The following COL28A1 variants were observed in gnomAD, a reference collection of about 807,000 sequenced individuals.
COL28A1 encodes the protein collagen alpha-1(XXVIII) chain.
In COL28A1, 161 loss-of-function variants were observed where a neutral mutation model predicts 150.2. The observed-to-expected ratio is 1.07, with a 90% CI of 0.94 to 1.22. The LOEUF (loss-of-function observed/expected upper bound fraction) is 1.22, where lower values mean the gene tolerates loss of function less well. Among genes scored for constraint, COL28A1 ranks in the 50% most tolerant of loss-of-function variants. The probability of loss-of-function intolerance (pLI) is 0.00; values close to 1 mark genes in which losing one functional copy is unlikely to be tolerated. For missense variants in COL28A1, 1,617 were observed against 1,388.3 expected (o/e 1.16, Z -2.62); for synonymous variants, 552 against 469.7 (o/e 1.18, Z -2.26).
chr7:7,524,616 T>A (rs1227119724), intron 3 of COL28A1, among the ~76,000 whole-genome samples: 1 of 152,208 alleles, frequency 6.6e-6, no homozygotes, highest in Middle Eastern at 3.2e-3. Flanking sequence ...TGAGGCAGAA[T>A]ATATAATTGT....
upstream of COL28A1, among the ~76,000 whole-genome samples, chr7:7,539,204 T>C (rs1782744600): frequency 6.6e-6 from 1 of 152,202 alleles, no homozygotes; most frequent in Admixed American, 6.5e-5. Flanking sequence ...AGAGGTTTAT[T>C]TGGCTTACAA....
At position 7,535,815 on chromosome 7, in the gene COL28A1, T is replaced by C. The variant is rs538044254; in HGVS notation, c.-103A>G. On this transcript the variant is annotated 5_prime_UTR_variant, in exon 1 of 35. Coordinates refer to ENST00000399429, the MANE Select transcript of COL28A1 (RefSeq NM_001037763.3). ...TAAATGCCAACAGCAAGGACTGTGG[T>C]TGGGGGTGAAGTTAGCTATTTGATA... 2.0e-5 allele frequency: 3 copies of C among 152,248 alleles called. No individual in the cohort carries two copies. The highest frequency in any genetic ancestry group is 1.3e-4 in the Admixed American group (2 of 15,282). 9.4% of individuals were successfully genotyped at this position (152,248 alleles called of 1,614,324 possible).
intron 27 of COL28A1, among the ~76,000 whole-genome samples, chr7:7,388,067 G>C (rs924117784): frequency 2.6e-5 from 4 of 151,624 alleles, no homozygotes; most frequent in Non-Finnish European, 5.9e-5. Flanking sequence ...GCAGAACATG[G>C]TTTGTTACAT....
rs184881478 is a variant in COL28A1, at chr7:7,507,174, A to G, written c.928-13T>C. The G allele has an allele frequency of 5.4e-6, 6 of 1,112,850 alleles. No homozygotes were observed. In the East Asian group the frequency reaches 1.4e-4, roughly 27 times the overall value. The allele number at this position is 1,112,850 out of a possible 1,614,324, so 68.9% of individuals were successfully genotyped here. The stretch of plus-strand genomic sequence containing the variant: ...GCCCTGGGGATCCCTGTGGAATAAA[A>G]TTGAAAATAAGTCTCTCTAAATATA... On this transcript the variant is annotated splice_polypyrimidine_tract_variant and intron_variant, in intron 9 of 34. Coordinates refer to ENST00000399429, the MANE Select transcript of COL28A1 (RefSeq NM_001037763.3).
the COL28A1 span, among the ~76,000 whole-genome samples, chr7:7,340,346 A>G: frequency 6.6e-5 from 10 of 152,274 alleles, 1 homozygote; most frequent in East Asian, 1.9e-3. Flanking sequence ...TAGAGTACAT[A>G]GGAAAACCTG....
intron 13 of COL28A1, among the ~76,000 whole-genome samples, chr7:7,486,128 T>A (rs1283327136): frequency 6.6e-6 from 1 of 152,198 alleles, no homozygotes; most frequent in Admixed American, 6.5e-5. Flanking sequence ...ATTTCTTTCA[T>A]CAGTGTTTTG....
At chr7:7,371,825 T>C (rs1013787752) in intron 32 of COL28A1, among the ~76,000 whole-genome samples, 10 of 152,022 alleles carry the variant, frequency 6.6e-5, no homozygotes, top group Non-Finnish European at 1.5e-4. Flanking sequence ...GTACAATAAA[T>C]TCTATTTATT....
At chr7:7,534,977 C>T (rs568896802) in intron 1 of COL28A1, among the ~76,000 whole-genome samples, 15 of 152,178 alleles carry the variant, frequency 9.9e-5, no homozygotes, top group East Asian at 9.7e-4. Context: ...ATATCTTTCT[C>T]GTTTATTAAT....
At chr7:7,454,098 T>C (rs1328366988) in intron 16 of COL28A1, among the ~76,000 whole-genome samples, 1 of 152,160 alleles carries the variant, frequency 6.6e-6, no homozygotes, top group Non-Finnish European at 1.5e-5. Flanking sequence ...TATGCACATA[T>C]GTGTACATTT....
chr7:7,379,998 C>T (rs779728155), intron 30 of COL28A1, among the ~76,000 whole-genome samples: 14 of 152,106 alleles, frequency 9.2e-5, no homozygotes, highest in Admixed American at 3.3e-4. Context: ...CGAATCAGCC[C>T]CGCTAGACCA....
intron 8 of COL28A1, among the ~76,000 whole-genome samples, chr7:7,513,863 C>A (rs1781282513): frequency 1.3e-5 from 2 of 152,160 alleles, no homozygotes; most frequent in African/African-American, 2.4e-5. Context: ...AGGCGTTTTC[C>A]TTTTTGGTGG....
chr7:7,350,674 T>TTTTA, the COL28A1 span, among the ~76,000 whole-genome samples: 321 of 134,102 alleles, frequency 2.4e-3, 1 homozygote, highest in African/African-American at 8.3e-3. Flanking sequence ...TTTTTTTTTT[T>TTTTA]AAAACCGCTG....
At chr7:7,427,698 G>A (rs778339400) in intron 25 of COL28A1, among the ~76,000 whole-genome samples, 2 of 152,144 alleles carry the variant, frequency 1.3e-5, no homozygotes, top group Non-Finnish European at 2.9e-5. Flanking sequence ...AATAAAGCAT[G>A]TATTTACAAT....
intron 11 of COL28A1, among the ~76,000 whole-genome samples, chr7:7,503,270 T>G (rs1780634011): frequency 1.3e-5 from 2 of 151,720 alleles, no homozygotes; most frequent in Non-Finnish European, 2.9e-5. Context: ...AAACTCTTTG[T>G]GCCTTAGTAG....
Position 7,440,838 on chromosome 7 carries a change from G to A in COL28A1, c.1674C>T (p.Ser558=). Residue 558 remains serine (S), a synonymous_variant, in exon 21 of 35, where the codon AGC becomes AGT. Coordinates refer to ENST00000399429, the MANE Select transcript of COL28A1 (RefSeq NM_001037763.3). ...GPKGDEGKKG[S]KGNQGQRGLP... ...GTCCCCTCTGTCCTTGATTTCCTTT[G>A]CTCCCTTTCTTGCCTTCGTCACCCT... The A allele has an allele frequency of 6.4e-7, 1 of 1,553,470 alleles. No individual in the cohort carries two copies. Among genetic ancestry groups the A allele is most frequent in the Non-Finnish European group, 8.9e-7 (1 of 1,125,554 alleles).
chr7:7,397,353 A>G (rs557384259), intron 27 of COL28A1, among the ~76,000 whole-genome samples: 174 of 152,244 alleles, frequency 1.1e-3, no homozygotes, highest in Non-Finnish European at 2.0e-3. Flanking sequence ...CTTATATTCA[A>G]GGCCCACCCA....
downstream of COL28A1, among the ~76,000 whole-genome samples, chr7:7,352,383 TG>T (rs1780250440): frequency 6.6e-6 from 1 of 152,164 alleles, no homozygotes; most frequent in African/African-American, 2.4e-5. Flanking sequence ...CCTGTATATA[TG>T]CTACCTTACA....
intron 11 of COL28A1, among the ~76,000 whole-genome samples, chr7:7,497,094 A>AAGGAAGGAAGGAAGGAAGG (rs1562834256): frequency 2.6e-4 from 32 of 123,856 alleles, no homozygotes; most frequent in Non-Finnish European, 2.9e-4. Flanking sequence ...AGGAAGGAAG[A>AAGGAAGGAAGGAAGGAAGG]AAGGAAGGAA....
rs138646905 is a variant in COL28A1 at position 7,463,393 on chromosome 7, A to G, written c.1303-7281T>C. ...GTATCTACAAAAACCCTAGAGCAGAAGTAATAATAATGAACTGTTGAAATC... is the reference window on the plus strand; with the variant it reads ...GTATCTACAAAAACCCTAGAGCAGAGGTAATAATAATGAACTGTTGAAATC... On this transcript the variant is annotated intron_variant, in intron 15 of 34. Coordinates refer to ENST00000399429, the MANE Select transcript of COL28A1 (RefSeq NM_001037763.3). Among the ~76,000 whole-genome samples, 709 of 152,336 alleles carry G rather than the reference A, an allele frequency of 4.7e-3. 5 individuals are homozygous for G. The highest frequency in any genetic ancestry group is 0.022 in the East Asian group (115 of 5,194).
Sources: gnomAD v4.1 joint callset for allele counts (sites outside exome capture counted in the v4.1 genomes callset) on GRCh38, gnomAD v4.1.1 for gene constraint, MANE v1.5 for transcripts, NCBI Gene and HGNC (gene_info 2026-07-23, HGNC 2026-07-21) for gene names.